The following TEAD1 variants were observed in gnomAD, a reference collection of about 807,000 sequenced individuals.
TEAD1 encodes the protein TEA domain transcription factor 1.
TEAD1 carries 9 observed loss-of-function variants against 54.9 expected under a neutral mutation model. That is an observed-to-expected ratio of 0.16 (90% CI 0.10 to 0.29). TEAD1 has a LOEUF of 0.29. Ranked by LOEUF, TEAD1 falls within the 10% of genes least tolerant of loss-of-function variation. TEAD1 has a pLI of 1.00. For synonymous variants in TEAD1, 200 were observed against 187.8 expected, an observed-to-expected ratio of 1.07 and a Z score of -0.53; for missense variants, 387 against 535.9, an observed-to-expected ratio of 0.72 and a Z score of 2.74.
At chr11:12,782,395 T>C (rs553785967) in intron 3 of TEAD1, among the ~76,000 whole-genome samples, 4 of 152,328 alleles carry the variant, frequency 2.6e-5, no homozygotes, top group Non-Finnish European at 5.9e-5. Context: ...CATGGAATCA[T>C]ATGAATCATA....
At chr11:12,813,677 C>A (rs1442701587) in intron 3 of TEAD1, among the ~76,000 whole-genome samples, 1 of 152,188 alleles carries the variant, frequency 6.6e-6, no homozygotes, top group Non-Finnish European at 1.5e-5. Context: ...CTTTGCAGGG[C>A]TGTATAAGGA....
At chr11:12,936,710 ATTACT>A (rs1467187354) in intron 12 of TEAD1, among the ~76,000 whole-genome samples, 3 of 152,222 alleles carry the variant, frequency 2.0e-5, no homozygotes, top group Non-Finnish European at 4.4e-5. Context: ...GACTGGAATT[ATTACT>A]TGTCAATTTA....
intron 3 of TEAD1, among the ~76,000 whole-genome samples, chr11:12,797,814 C>T (rs1050938985): frequency 3.3e-5 from 5 of 152,050 alleles, no homozygotes; most frequent in African/African-American, 1.2e-4. Context: ...GTCAGTGTAT[C>T]CTATCTACTA....
chr11:12,822,197 C>T (rs1313677533), intron 3 of TEAD1, among the ~76,000 whole-genome samples: 1 of 151,882 alleles, frequency 6.6e-6, no homozygotes, highest in Non-Finnish European at 1.5e-5. Flanking sequence ...TCTCCTGACC[C>T]ATTATCCGCC....
chr11:12,767,099 C>T (rs1945222825), intron 3 of TEAD1, among the ~76,000 whole-genome samples: 1 of 152,166 alleles, frequency 6.6e-6, no homozygotes, highest in Non-Finnish European at 1.5e-5. Context: ...CCCTGGTTGA[C>T]TGGGAGCTGC....
At chr11:12,857,722 T>C (rs1321552486) in intron 3 of TEAD1, among the ~76,000 whole-genome samples, 3 of 152,010 alleles carry the variant, frequency 2.0e-5, no homozygotes, top group Non-Finnish European at 4.4e-5. Context: ...ATGCTGCGTC[T>C]TAGTAACATG....
chr11:12,744,464 C>T (rs1326812468), intron 2 of TEAD1, among the ~76,000 whole-genome samples: 1 of 152,138 alleles, frequency 6.6e-6, no homozygotes, highest in Non-Finnish European at 1.5e-5. Flanking sequence ...TTTCAGGACT[C>T]AGGAACTATT....
intron 3 of TEAD1, among the ~76,000 whole-genome samples, chr11:12,787,427 A>T (rs1383667433): frequency 2.0e-5 from 3 of 152,142 alleles, no homozygotes; most frequent in Non-Finnish European, 4.4e-5. Flanking sequence ...AGCTTTGGAG[A>T]AAGAGTAGTG....
At chr11:12,721,347 A>G (rs886514836) in intron 2 of TEAD1, among the ~76,000 whole-genome samples, 5 of 152,100 alleles carry the variant, frequency 3.3e-5, no homozygotes, top group South Asian at 2.1e-4. Context: ...GCGAGTGCCT[A>G]CTGTTCATTT....
chr11:12,923,570 G>C (rs898932004), intron 10 of TEAD1, among the ~76,000 whole-genome samples: 5 of 152,176 alleles, frequency 3.3e-5, no homozygotes, highest in South Asian at 2.1e-4. Context: ...GTAGATACTT[G>C]AGGGAAGGCA....
At chr11:12,676,097 G>T (rs916163898) in intron 2 of TEAD1, among the ~76,000 whole-genome samples, 2 of 152,220 alleles carry the variant, frequency 1.3e-5, no homozygotes, top group Non-Finnish European at 2.9e-5. Context: ...CAGTGCGTTG[G>T]AAGGAGCCCA....
At chr11:12,696,251 T>C (rs1361297489) in intron 2 of TEAD1, among the ~76,000 whole-genome samples, 1 of 152,214 alleles carries the variant, frequency 6.6e-6, no homozygotes, top group Non-Finnish European at 1.5e-5. Flanking sequence ...GTAGATACTT[T>C]CTATAGTAGG....
rs1214512980 is a variant in TEAD1, at chr11:12,922,187, G to T, written c.874-2725G>T. 3.5e-5 allele frequency among the ~76,000 whole-genome samples: 4 copies of T among 114,050 alleles called. 1 individual carries two copies. Among genetic ancestry groups the T allele is most frequent in the South Asian group, 5.1e-4 (2 of 3,894 alleles). 74.8% of individuals were successfully genotyped at this position (114,050 alleles called of 152,430 possible). A position where few individuals can be genotyped will look rare whatever the true frequency, so the allele number is the denominator to read the frequency against. Reference sequence around the variant, plus strand: ...TGAAAAGGGGAATGTGGAGTACATGGTTCTCTTTTTTTTTTTTTTTTTTTT... The same window carrying T: ...TGAAAAGGGGAATGTGGAGTACATGTTTCTCTTTTTTTTTTTTTTTTTTTT... On this transcript the variant is annotated intron_variant, in intron 10 of 12. Coordinates refer to ENST00000527636, the MANE Select transcript of TEAD1 (RefSeq NM_021961.6).
At chr11:12,731,542 A>G (rs1944424804) in intron 2 of TEAD1, among the ~76,000 whole-genome samples, 1 of 152,058 alleles carries the variant, frequency 6.6e-6, no homozygotes, top group Non-Finnish European at 1.5e-5. Context: ...TTTAATATCA[A>G]TAAATACTTA....
At chr11:12,733,645 C>T (rs1462868841) in intron 2 of TEAD1, among the ~76,000 whole-genome samples, 1 of 152,232 alleles carries the variant, frequency 6.6e-6, no homozygotes, top group Non-Finnish European at 1.5e-5. Flanking sequence ...ATCTGTCACA[C>T]TTCCATCAGC....
intron 2 of TEAD1, among the ~76,000 whole-genome samples, chr11:12,722,431 T>C (rs1944226504): frequency 6.6e-6 from 1 of 152,174 alleles, no homozygotes; most frequent in Admixed American, 6.5e-5. Context: ...GAATAGGTCA[T>C]CCGGTAACAT....
intron 3 of TEAD1, among the ~76,000 whole-genome samples, chr11:12,768,318 A>C (rs1407556288): frequency 3.3e-5 from 5 of 152,186 alleles, no homozygotes. Context: ...AAATGAACTA[A>C]TTGTTATCTG....
intron 10 of TEAD1, among the ~76,000 whole-genome samples, chr11:12,908,881 C>CTTTTTTTTTTTTTTTTTTTT (rs1564986691): frequency 1.3e-5 from 1 of 74,318 alleles, no homozygotes; most frequent in African/African-American, 6.2e-5. Flanking sequence ...TTCAAATTAT[C>CTTTTTTTTTTTTTTTTTTTT]TGTTTTTTTT....
intron 2 of TEAD1, among the ~76,000 whole-genome samples, chr11:12,720,895 A>C (rs892809964): frequency 1.3e-5 from 2 of 152,218 alleles, no homozygotes; most frequent in Admixed American, 6.5e-5. Flanking sequence ...CTCTCTGACC[A>C]TGACTTGTCT....
Sources: allele counts gnomAD v4.1 joint callset (sites outside exome capture counted in the v4.1 genomes callset), GRCh38; gene constraint gnomAD v4.1.1; transcripts MANE v1.5; gene names NCBI Gene and HGNC (gene_info 2026-07-23, HGNC 2026-07-21).